Variants in TTN observed in about 807,000 individuals in gnomAD.
TTN encodes titin, also known as connectin.
Under a neutral mutation model 3,223.0 loss-of-function variants are expected in TTN, and 1,525 were observed. The observed-to-expected ratio is 0.47, with a 90% CI of 0.45 to 0.49. The LOEUF is 0.49. TTN is among the 20% of genes least tolerant of loss of function. The probability of loss-of-function intolerance (pLI) is 0.00; values close to 1 mark genes in which losing one functional copy is unlikely to be tolerated. For missense variants in TTN, 40,786 were observed against 43,424.0 expected (o/e 0.94, Z 5.40); for synonymous variants, 14,094 against 15,161.0 (o/e 0.93, Z 5.17).
At position 178,714,352 on chromosome 2, in the gene TTN, T is replaced by C; in HGVS notation, c.26422A>G (p.Thr8808Ala). 1 of 1,613,760 alleles carries C rather than the reference T, an allele frequency of 6.2e-7. No individual in the cohort carries two copies. Among genetic ancestry groups the C allele is most frequent in the Non-Finnish European group, 8.5e-7 (1 of 1,179,742 alleles). The change falls in exon 91 of 363, where the codon ACT (threonine) becomes GCT (alanine). Residue 8808 changes from threonine to alanine, a missense_variant. By Grantham distance (58) the Thr-to-Ala change is moderately conservative. Transcript: ENST00000589042. The stretch of plus-strand genomic sequence containing the variant: ...CCAGCATCGTTTTTGATCTGACAAG[T>C]GTATTTTCCAGCATTGGCTGGTTCC... ...RVEPANAGKY[T>A]CQIKNDAGMQ...
intron 47 of TTN, among the ~76,000 whole-genome samples, chr2:178,743,373 C>T (rs1293136669): frequency 2.0e-5 from 3 of 151,820 alleles, no homozygotes; most frequent in African/African-American, 7.2e-5. Flanking sequence ...ATGTTACGTG[C>T]CATTGAGTCA....
In TTN at chr2:178,732,924, T is replaced by C. The variant is rs375436388; in HGVS notation, c.16252A>G (p.Arg5418Gly). 6.2e-7 allele frequency: 1 copy of C among 1,613,446 alleles called. No homozygotes were observed. Among genetic ancestry groups the C allele is most frequent in the Non-Finnish European group, 8.5e-7 (1 of 1,179,724 alleles). ...VEGTASLEIIRVDMNDAGNFT... is the reference protein window; with the variant it reads ...VEGTASLEIIGVDMNDAGNFT... The stretch of plus-strand genomic sequence containing the variant: ...TTCCCTGCATCATTCATGTCTACTC[T>C]GATGATCTCCAAAGAGGCTGTGCCT... Residue 5418 changes from arginine to glycine, a missense_variant, in exon 55 of 363, where the codon AGA (arginine) becomes GGA (glycine). Physicochemically the swap from Arg to Gly is moderately radical, Grantham distance 125. Transcript: ENST00000589042.
chr2:178,747,685 T>A lies in TTN; in HGVS notation c.11311+5439A>T. The A allele has an allele frequency of 5.0e-6, 8 of 1,612,910 alleles. No homozygotes were observed. The highest frequency in any genetic ancestry group is 2.2e-5 in the East Asian group (1 of 44,828). Reference sequence around the variant, plus strand: ...TTCCAGCAGCAAGTAAATATTGTGTTAGGGAGGTCTCAGATTCTGCTGCCT... The same window carrying A: ...TTCCAGCAGCAAGTAAATATTGTGTAAGGGAGGTCTCAGATTCTGCTGCCT... On this transcript the variant is annotated intron_variant, in intron 47 of 362. Coordinates refer to ENST00000589042, the MANE Select transcript of TTN (RefSeq NM_001267550.2).
rs1559037565 is a variant in TTN, at chr2:178,534,437, ATT to A, written c.102176_102177del (p.Lys34059IlefsTer24). ...AGAGCCTCCGATGCTGTCATGCGAG[ATT>A]TCCTCTCTTTCACTAACAACCGGTC... ...FVDRLLVKER[K>X]SRMTASEALQ... On this transcript the variant is annotated frameshift_variant, in exon 358 of 363. Coordinates refer to ENST00000589042, the MANE Select transcript of TTN (RefSeq NM_001267550.2). LOFTEE classifies it high-confidence loss of function. 6.2e-7 allele frequency: 1 copy of A among 1,612,656 alleles called. No homozygotes were observed. Among genetic ancestry groups the A allele is most frequent in the Non-Finnish European group, 8.5e-7 (1 of 1,179,794 alleles).
chr2:178,733,973 G>A, intron 52 of TTN, 81 bp from the exon 53 acceptor site: 1 of 1,339,448 alleles, frequency 7.5e-7, no homozygotes, highest in Non-Finnish European at 1.0e-6. Flanking sequence ...GTTTTTTCAA[G>A]ATTATATTTA....
chr2:178,642,335 TCA>T lies in TTN; in HGVS notation c.40478-20_40478-19del. The stretch of plus-strand genomic sequence containing the variant: ...TCCAGGCACTTAAAAGAATATGATT[TCA>T]AATTTTGAAGTGAATTTATATAAAA... On this transcript the variant is annotated intron_variant, in intron 218 of 362. Transcript: ENST00000589042. 6.4e-7 allele frequency: 1 copy of T among 1,560,678 alleles called. No individual in the cohort carries two copies. Among genetic ancestry groups the T allele is most frequent in the Non-Finnish European group, 8.7e-7 (1 of 1,152,966 alleles).
In TTN at chr2:178,568,226, T is replaced by C. The variant is rs1307235516; in HGVS notation, c.77906A>G (p.Asn25969Ser). 1.2e-6 allele frequency: 2 copies of C among 1,613,528 alleles called. No homozygotes were observed. The highest frequency in any genetic ancestry group is 1.1e-5 in the South Asian group (1 of 91,068). The change falls in exon 326 of 363, where the codon AAC (asparagine) becomes AGC (serine). Residue 25969 changes from asparagine (N) to serine (S), a missense_variant. Asn to Ser is a conservative substitution (Grantham distance 46). Transcript: ENST00000589042. ...TAAGGCAAAGCTTTGTCCATATCTG[T>C]TTTCGGCAAATATTCTAAATTGGTA... ...TEYQFRIFAE[N>S]RYGQSFALES...
Position 178,601,913 on chromosome 2 carries a change from T to C in TTN, c.55271A>G (p.Asp18424Gly), listed in dbSNP as rs1553674352. The C allele has an allele frequency of 1.9e-6, 3 of 1,612,538 alleles. No homozygotes were observed. Among genetic ancestry groups the C allele is most frequent in the East Asian group, 2.2e-5 (1 of 44,616 alleles). ...FDGKAKKAMK[D>G]GVHDIPEDAQ... ...ATCTTCGGGTATGTCATGAACTCCATCCTATTAGAAAAGGAGACAGTCAGT... is the reference window on the plus strand; with the variant it reads ...ATCTTCGGGTATGTCATGAACTCCACCCTATTAGAAAAGGAGACAGTCAGT... Residue 18424 changes from aspartate (D) to glycine (G), a missense_variant and splice_region_variant, in exon 285 of 363, where the codon GAT (aspartate) becomes GGT (glycine). Coordinates refer to ENST00000589042, the MANE Select transcript of TTN (RefSeq NM_001267550.2).
In TTN at chr2:178,729,342, T is replaced by C; in HGVS notation, c.18814A>G (p.Ile6272Val). 6.2e-7 allele frequency: 1 copy of C among 1,613,546 alleles called. No individual in the cohort carries two copies. Among genetic ancestry groups the C allele is most frequent in the Non-Finnish European group, 8.5e-7 (1 of 1,179,598 alleles). The change falls in exon 64 of 363, where the codon ATT becomes GTT. Residue 6272 changes from isoleucine to valine, a missense_variant. Physicochemically the swap from Ile to Val is conservative, Grantham distance 29. Coordinates refer to ENST00000589042, the MANE Select transcript of TTN (RefSeq NM_001267550.2). ...CAGCTGCCGCCTTCATTGGATACAA[T>C]GCACTGGTATTCCCCAGTGTCTGAA... ...DPSDTGEYQC[I>V]VSNEGGSCSC...
Position 178,548,135 on chromosome 2 carries a change from C to A in TTN, c.93491G>T (p.Gly31164Val), listed in dbSNP as rs1303031829. Residue 31164 changes from glycine (G) to valine (V), a missense_variant, in exon 339 of 363, where the codon GGT (glycine) becomes GTT (valine). By Grantham distance (109) the Gly-to-Val change is moderately radical. Transcript: ENST00000589042. This position sits in a 1 kb window ranked among gnomAD's most constrained non-coding sequence, Gnocchi z 4.3. Reference protein sequence around the residue: ...QKGSDFWVEAGHTKQLTFTVE... With the variant: ...QKGSDFWVEAVHTKQLTFTVE... ...TGTGAAAGTTAGCTGTTTGGTGTGACCAGCTTCAACCCAGAAGTCAGATCC... is the reference window on the plus strand; with the variant it reads ...TGTGAAAGTTAGCTGTTTGGTGTGAACAGCTTCAACCCAGAAGTCAGATCC... 6.2e-7 allele frequency: 1 copy of A among 1,613,840 alleles called. No homozygotes were observed. Among genetic ancestry groups the A allele is most frequent in the East Asian group, 2.2e-5 (1 of 44,874 alleles).
intron 73 of TTN, 41 bp downstream of exon 73, chr2:178,723,815 A>T (rs778189497): frequency 1.9e-6 from 3 of 1,561,454 alleles, no homozygotes; most frequent in Non-Finnish European, 2.6e-6. Context: ...CCTGAAGAGG[A>T]ATTTGTAAGA....
chr2:178,679,428 T>C lies in TTN; in HGVS notation c.33665-12A>G, dbSNP rs753263373. 6 of 1,611,470 alleles carry C rather than the reference T, an allele frequency of 3.7e-6. No individual in the cohort carries two copies. Among genetic ancestry groups the C allele is most frequent in the South Asian group, 2.2e-5 (2 of 90,732 alleles). ...AGGAACCTCAGGCACTTTAAAGATA[T>C]TGTTTATTGTTAAGTTCTAACTACT... On this transcript the variant is annotated splice_polypyrimidine_tract_variant and intron_variant, in intron 141 of 362. Transcript: ENST00000589042.
chr2:178,648,062 C>T (rs1037056901), intron 213 of TTN, among the ~76,000 whole-genome samples: 1 of 152,096 alleles, frequency 6.6e-6, no homozygotes, highest in South Asian at 2.1e-4. Context: ...CTCTTAAAGA[C>T]CTTAAATAAT....
chr2:178,782,800 A>G lies in TTN; in HGVS notation c.3100+6T>C. On this transcript the variant is annotated splice_donor_region_variant and intron_variant, in intron 18 of 362. Transcript: ENST00000589042. The stretch of plus-strand genomic sequence containing the variant: ...GCATTAGGACTGTGGGAGGGTGGCC[A>G]CTAACCCTGCACAGCCAGATAGCAG... 3 of 1,612,538 alleles carry G rather than the reference A, an allele frequency of 1.9e-6. No homozygotes were observed. Among genetic ancestry groups the G allele is most frequent in the Non-Finnish European group, 2.5e-6 (3 of 1,179,832 alleles).
intron 66 of TTN, 47 bp downstream of exon 66, chr2:178,728,453 A>C: frequency 6.3e-7 from 1 of 1,582,600 alleles, no homozygotes; most frequent in South Asian, 1.2e-5. Context: ...TTGTTTACAA[A>C]GGACATACTA....
At position 178,684,712 on chromosome 2, in the gene TTN, CT is replaced by C; in HGVS notation, c.32591del (p.Lys10864ArgfsTer17). The C allele has an allele frequency of 6.2e-7, 1 of 1,613,260 alleles. No individual in the cohort carries two copies. The highest frequency in any genetic ancestry group is 1.1e-5 in the South Asian group (1 of 90,972). ...EEPKKPVPEK[K>X]VPPKVIKMEE... ...CCATCTTAATGACTTTTGGAGGAACCTTTTTTTCTGGAACTGGTTTCTTTGG... is the reference window on the plus strand; with the variant it reads ...CCATCTTAATGACTTTTGGAGGAACCTTTTTTCTGGAACTGGTTTCTTTGG... On this transcript the variant is annotated frameshift_variant, in exon 131 of 363. Coordinates refer to ENST00000589042, the MANE Select transcript of TTN (RefSeq NM_001267550.2). LOFTEE classifies it high-confidence loss of function.
intron 278 of TTN, among the ~76,000 whole-genome samples, chr2:178,606,685 C>A (rs374921907): frequency 6.6e-6 from 1 of 151,874 alleles, no homozygotes; most frequent in African/African-American, 2.4e-5. Context: ...TTAACTACTA[C>A]GCTAGTAAGT....
At position 178,535,014 on chromosome 2, in the gene TTN, C is replaced by T. The variant is rs2154136379; in HGVS notation, c.101601G>A (p.Leu33867=). The T allele has an allele frequency of 7.4e-6, 12 of 1,613,850 alleles. No homozygotes were observed. Among genetic ancestry groups the T allele is most frequent in the Non-Finnish European group, 1.0e-5 (12 of 1,179,832 alleles). The change falls in exon 358 of 363, where the codon CTG becomes CTA. Residue 33867 remains leucine, a synonymous_variant. Transcript: ENST00000589042. ...AGATGTTTCTATGCCTAGCAATATTCAGAATGGAAATTTCCTTCTTTACCA... is the reference window on the plus strand; with the variant it reads ...AGATGTTTCTATGCCTAGCAATATTTAGAATGGAAATTTCCTTCTTTACCA... ...QVLVKKEISI[L]NIARHRNILH...
rs1203316573 is a variant in TTN at position 178,663,327 on chromosome 2, A to G, written c.36639T>C (p.Ala12213=). The G allele has an allele frequency of 2.5e-6, 4 of 1,579,922 alleles. 1 individual carries two copies. Among genetic ancestry groups the G allele is most frequent in the Non-Finnish European group, 3.4e-6 (4 of 1,167,930 alleles). ...CTTCAGGCAACTTCTTTTCTGGGAC[A>G]GCTGCCTTTGGCACCTCTGGGACTT... is the stretch of plus-strand genomic sequence containing the variant. The part of the protein sequence containing the change: ...PTKVPEVPKA[A]VPEKKLPEAI... Residue 12213 remains alanine (A), a synonymous_variant, in exon 173 of 363, where the codon GCT becomes GCC. Coordinates refer to ENST00000589042, the MANE Select transcript of TTN (RefSeq NM_001267550.2).
Sources: allele counts gnomAD v4.1 joint callset (sites outside exome capture counted in the v4.1 genomes callset), GRCh38; gene constraint gnomAD v4.1.1; non-coding constraint Gnocchi (gnomAD v3.1); transcripts MANE v1.5; gene names NCBI Gene and HGNC (gene_info 2026-07-23, HGNC 2026-07-21).